Variants in MAPK9 observed in about 807,000 individuals in gnomAD.
The protein encoded by MAPK9 is mitogen-activated protein kinase 9, also known as Jun kinase.
A neutral mutation model predicts 57.1 loss-of-function variants in MAPK9; 30 were observed. That is an observed-to-expected ratio of 0.53 (90% CI 0.39 to 0.71). The LOEUF (loss-of-function observed/expected upper bound fraction) is 0.71. Ranked by LOEUF, MAPK9 falls within the 30% of genes least tolerant of loss-of-function variation. The pLI is 0.00. For synonymous variants in MAPK9, 155 were observed against 177.0 expected (o/e 0.88, Z 0.99); for missense variants, 362 against 521.0 (o/e 0.69, Z 2.97).
chr5:180,250,515 T>C (rs1758562668), intron 5 of MAPK9, among the ~76,000 whole-genome samples: 1 of 152,138 alleles, frequency 6.6e-6, no homozygotes, highest in Non-Finnish European at 1.5e-5. Context: ...GCAGGTTCAG[T>C]AGCACTGCCT....
chr5:180,266,408 G>A (rs1760555169), intron 3 of MAPK9, among the ~76,000 whole-genome samples: 1 of 151,428 alleles, frequency 6.6e-6, no homozygotes, highest in African/African-American at 2.4e-5. Flanking sequence ...TATGCTTCCT[G>A]GGTTCAAGTG....
chr5:180,280,404 AACTC>A, intron 2 of MAPK9, 32 bp downstream of exon 2: 1 of 1,588,236 alleles, frequency 6.3e-7, no homozygotes, highest in Non-Finnish European at 8.5e-7. Context: ...TTACAGCAAA[AACTC>A]AATCCACGCT....
intron 5 of MAPK9, among the ~76,000 whole-genome samples, chr5:180,252,183 A>G (rs73811335): frequency 0.022 from 3,284 of 152,236 alleles, 80 homozygotes; most frequent in African/African-American, 0.056. Flanking sequence ...AAAGGCTTAG[A>G]GCAAGGCTGT....
chr5:180,269,117 C>T (rs1365648628), intron 3 of MAPK9, among the ~76,000 whole-genome samples, 163 bp downstream of exon 3: 7 of 151,646 alleles, frequency 4.6e-5, no homozygotes, highest in Non-Finnish European at 1.0e-4. Context: ...CCAGCCTGGG[C>T]GACAAAAAAA....
chr5:180,276,410 A>G (rs1445402172), intron 2 of MAPK9, among the ~76,000 whole-genome samples: 8 of 152,214 alleles, frequency 5.3e-5, no homozygotes, highest in Non-Finnish European at 7.3e-5. Context: ...TATTTTGGCC[A>G]AACTTGAGAT....
At chr5:180,262,410 ATTC>A (rs1175411320) in intron 4 of MAPK9, among the ~76,000 whole-genome samples, 4 of 151,788 alleles carry the variant, frequency 2.6e-5, no homozygotes, top group East Asian at 3.9e-4. Flanking sequence ...GCTATCTCCA[ATTC>A]TTCTCCCTTC....
At chr5:180,249,937 A>T (rs533751809) in intron 5 of MAPK9, among the ~76,000 whole-genome samples, 2 of 152,198 alleles carry the variant, frequency 1.3e-5, no homozygotes, top group Non-Finnish European at 2.9e-5. Flanking sequence ...CATACTGGAC[A>T]GCACAGGTCT....
rs1294064214 is a variant in MAPK9, at chr5:180,238,605, CTTCTTTTT to C, written c.1061-210_1061-203del. Among the ~76,000 whole-genome samples, 14 of 129,628 alleles carry C rather than the reference CTTCTTTTT, an allele frequency of 1.1e-4. No homozygotes were observed. In the South Asian group the frequency reaches 3.2e-3, roughly 30 times the overall value. The allele number at this position is 129,628 out of a possible 152,430, so 85.0% of individuals were successfully genotyped here. On this transcript the variant is annotated intron_variant, in intron 10 of 11. Transcript: ENST00000452135. ...ACATTATATCTTTTCTTTTCTTCTT[CTTCTTTTT>C]TTTTTTTTTTTTTTTGAGACAGTCT...
At chr5:180,256,790 G>C (rs993610256) in intron 5 of MAPK9, among the ~76,000 whole-genome samples, 1 of 152,188 alleles carries the variant, frequency 6.6e-6, no homozygotes, top group Non-Finnish European at 1.5e-5. Context: ...AGTGACAGGA[G>C]GCCATTGTTT....
chr5:180,276,780 C>T (rs1175690874), intron 2 of MAPK9, among the ~76,000 whole-genome samples: 5 of 152,116 alleles, frequency 3.3e-5, no homozygotes, highest in Admixed American at 6.5e-5. Flanking sequence ...CTTGAACCCG[C>T]GAGGCGGAGG....
intron 2 of MAPK9, chr5:180,280,180 AAAAAAAAT>A: frequency 2.0e-6 from 1 of 512,622 alleles, no homozygotes; most frequent in East Asian, 3.7e-5. Context: ...GAGAAATGAA[AAAAAAAAT>A]GAAAGGAAAA....
At chr5:180,274,121 T>A (rs1761605943) in intron 2 of MAPK9, among the ~76,000 whole-genome samples, 1 of 152,202 alleles carries the variant, frequency 6.6e-6, no homozygotes, top group Non-Finnish European at 1.5e-5. Context: ...TTTTTCTAAT[T>A]TTTTTAGCTT....
intron 5 of MAPK9, among the ~76,000 whole-genome samples, chr5:180,251,189 T>C (rs1213165820): frequency 6.6e-6 from 1 of 152,094 alleles, no homozygotes; most frequent in Non-Finnish European, 1.5e-5. Flanking sequence ...GGGTGTGCAG[T>C]GGGCACTTTC....
At chr5:180,275,330 A>G (rs1024753170) in intron 2 of MAPK9, among the ~76,000 whole-genome samples, 3 of 152,254 alleles carry the variant, frequency 2.0e-5, no homozygotes, top group Non-Finnish European at 4.4e-5. Flanking sequence ...ATACAAGTTC[A>G]GCAAATGAGA....
intron 5 of MAPK9, among the ~76,000 whole-genome samples, chr5:180,249,386 G>A (rs35442571): frequency 0.027 from 4,037 of 152,138 alleles, 117 homozygotes; most frequent in Non-Finnish European, 0.037. Flanking sequence ...CTGTGGTCTC[G>A]CAGGCCCTCA....
chr5:180,237,814 T>A (rs34106370), intron 11 of MAPK9: 1 of 152,392 alleles, frequency 6.6e-6, no homozygotes. Flanking sequence ...CAGGCTGGCA[T>A]TTCACATGTT....
chr5:180,280,246 C>T (rs746400554), intron 2 of MAPK9, among the ~76,000 whole-genome samples, 194 bp downstream of exon 2: 1 of 152,108 alleles, frequency 6.6e-6, no homozygotes, highest in Admixed American at 6.5e-5. Context: ...ATTCCTGCAG[C>T]ATTCTAAGAA....
intron 2 of MAPK9, among the ~76,000 whole-genome samples, chr5:180,279,255 C>G (rs1278597798): frequency 1.3e-5 from 2 of 152,196 alleles, no homozygotes; most frequent in African/African-American, 2.4e-5. Context: ...CGTGCCCGGC[C>G]ACCTTTAACA....
chr5:180,290,236 C>G (rs553466475), intron 1 of MAPK9, among the ~76,000 whole-genome samples: 1 of 152,318 alleles, frequency 6.6e-6, no homozygotes, highest in African/African-American at 2.4e-5. Flanking sequence ...GTCCTTACAC[C>G]TGGCCCTCCA....
Sources: gnomAD v4.1 joint callset for allele counts (sites outside exome capture counted in the v4.1 genomes callset) on GRCh38, gnomAD v4.1.1 for gene constraint, MANE v1.5 for transcripts, NCBI Gene and HGNC (gene_info 2026-07-23, HGNC 2026-07-21) for gene names.